Variants in DOCK2 observed in about 807,000 individuals in gnomAD.
The protein encoded by DOCK2 is dedicator of cytokinesis 2, also known as dedicator of cytokinesis protein 2.
DOCK2 carries 87 observed loss-of-function variants against 248.9 expected under a neutral mutation model. The observed-to-expected ratio is 0.35, with a 90% CI of 0.29 to 0.42. The LOEUF is 0.42. Ranked by LOEUF, DOCK2 falls within the 10% of genes least tolerant of loss-of-function variation. The pLI is 1.00. For synonymous variants in DOCK2, 805 were observed against 821.6 expected, an observed-to-expected ratio of 0.98 and a Z score of 0.35; for missense variants, 1,747 against 2,300.2, an observed-to-expected ratio of 0.76 and a Z score of 4.92.
At chr5:169,655,638 C>T (rs536595991) in intron 2 of DOCK2, among the ~76,000 whole-genome samples, 15 of 152,312 alleles carry the variant, frequency 9.8e-5, no homozygotes, top group African/African-American at 3.6e-4. Context: ...AACAGAGCCC[C>T]TAGCTGGGTC....
intron 26 of DOCK2, among the ~76,000 whole-genome samples, chr5:169,814,731 A>G (rs1204849702): frequency 1.3e-5 from 2 of 152,158 alleles, no homozygotes; most frequent in African/African-American, 4.8e-5. Context: ...AGGGATGATT[A>G]CTCACTTATG....
intron 9 of DOCK2, 119 bp downstream of exon 9, chr5:169,689,452 G>A (rs1760170667): frequency 9.9e-7 from 1 of 1,010,862 alleles, no homozygotes; most frequent in Admixed American, 2.3e-5. Context: ...TGTGTTGTGG[G>A]CTCCAAGCAG....
In DOCK2 at chr5:169,838,136, G is replaced by A. The variant is rs542742202; in HGVS notation, c.2704-2621G>A. On this transcript the variant is annotated intron_variant, in intron 26 of 51. Coordinates refer to ENST00000520908, the MANE Select transcript of DOCK2 (RefSeq NM_004946.3). ...AAAAGATCAAAAGTCACTGAAGGAGGTAGAAGTTGGTCCAATTGAAGGCAG... is the reference window on the plus strand; with the variant it reads ...AAAAGATCAAAAGTCACTGAAGGAGATAGAAGTTGGTCCAATTGAAGGCAG... Among the ~76,000 whole-genome samples, 10 of 152,292 alleles carry A rather than the reference G, an allele frequency of 6.6e-5. No individual in the cohort carries two copies. The South Asian group carries it at 1.2e-3, about 19-fold the overall frequency.
chr5:169,714,036 CAAG>C lies in DOCK2; in HGVS notation c.1673_1675del (p.Lys558del), dbSNP rs1751747178. 1 of 1,596,356 alleles carries C rather than the reference CAAG, an allele frequency of 6.3e-7. No homozygotes were observed. Among genetic ancestry groups the C allele is most frequent in the South Asian group, 1.1e-5 (1 of 88,872 alleles). On this transcript the variant is annotated inframe_deletion, in exon 18 of 52. Coordinates refer to ENST00000520908, the MANE Select transcript of DOCK2 (RefSeq NM_004946.3). ...CCAAGTGTTGTTTCCAGGGGGACAG[CAAG>C]AAGATGGAGGATGCCAGCGCATACC...
intron 26 of DOCK2, among the ~76,000 whole-genome samples, chr5:169,812,327 T>A (rs1306278040): frequency 6.6e-6 from 1 of 152,196 alleles, no homozygotes; most frequent in Non-Finnish European, 1.5e-5. Context: ...TAATGATCTG[T>A]CACTGTCTCC....
At chr5:169,644,454 G>A (rs953545186) in intron 1 of DOCK2, among the ~76,000 whole-genome samples, 4 of 151,982 alleles carry the variant, frequency 2.6e-5, no homozygotes, top group African/African-American at 9.7e-5. Context: ...GAATGGATGT[G>A]GGTATGAGAA....
At chr5:169,773,231 A>G (rs967576981) in intron 25 of DOCK2, 5 of 152,216 alleles carry the variant, frequency 3.3e-5, no homozygotes, top group Non-Finnish European at 7.3e-5. Context: ...GCTGCAGAAC[A>G]AGTCCAAGAG....
rs575957877 is a variant in DOCK2, at chr5:169,892,926, GC to G, written c.2799+52075del. Among the ~76,000 whole-genome samples, 444 of 151,790 alleles carry G rather than the reference GC, an allele frequency of 2.9e-3. 5 individuals are homozygous for G. The highest frequency in any genetic ancestry group is 0.01 in the African/African-American group (419 of 41,370). ...CCCTTCTTCTCTTCTGTTTTCTCCA[GC>G]ATGGCTCCCCATTTCATTTCTCCCC... On this transcript the variant is annotated intron_variant, in intron 27 of 51. Transcript: ENST00000520908.
intron 27 of DOCK2, among the ~76,000 whole-genome samples, chr5:169,951,366 A>G (rs1776656988): frequency 6.6e-6 from 1 of 152,178 alleles, no homozygotes; most frequent in African/African-American, 2.4e-5. Context: ...AATGCTTCCA[A>G]ATAACACAAC....
At chr5:169,864,818 C>G (rs1771440789) in intron 27 of DOCK2, among the ~76,000 whole-genome samples, 1 of 152,088 alleles carries the variant, frequency 6.6e-6, no homozygotes, top group African/African-American at 2.4e-5. Context: ...TGAGATAATG[C>G]AGAGGAACAG....
At chr5:169,945,033 G>A (rs1776389626) in intron 27 of DOCK2, among the ~76,000 whole-genome samples, 1 of 152,198 alleles carries the variant, frequency 6.6e-6, no homozygotes, top group African/African-American at 2.4e-5. Flanking sequence ...AACTTCAGAG[G>A]TGTCTTCTTA....
intron 25 of DOCK2, among the ~76,000 whole-genome samples, chr5:169,787,134 A>T (rs1403008099): frequency 1.3e-5 from 2 of 152,234 alleles, no homozygotes; most frequent in African/African-American, 4.8e-5. Context: ...GATCACACAG[A>T]CAATAACCGA....
chr5:169,856,767 A>G (rs1487343746), intron 27 of DOCK2, among the ~76,000 whole-genome samples: 2 of 152,200 alleles, frequency 1.3e-5, no homozygotes, highest in Non-Finnish European at 1.5e-5. Context: ...TCAGCAGTTA[A>G]CATGACTCAG....
chr5:170,046,716 C>G (rs1251285968), intron 39 of DOCK2, among the ~76,000 whole-genome samples: 1 of 152,048 alleles, frequency 6.6e-6, no homozygotes, highest in African/African-American at 2.4e-5. Context: ...ACCTGCCCCG[C>G]GTGTACCTCC....
intron 14 of DOCK2, among the ~76,000 whole-genome samples, chr5:169,702,907 C>T (rs923751933): frequency 6.6e-6 from 1 of 152,090 alleles, no homozygotes; most frequent in Admixed American, 6.6e-5. Flanking sequence ...CAGCGCTCAG[C>T]CAGAAATGCT....
At chr5:169,929,060 T>G (rs1303807786) in intron 27 of DOCK2, among the ~76,000 whole-genome samples, 1 of 152,222 alleles carries the variant, frequency 6.6e-6, no homozygotes, top group Admixed American at 6.5e-5. Context: ...GAGGTCAACC[T>G]GGGCCCACAG....
chr5:169,663,747 A>G (rs56372128), intron 2 of DOCK2, among the ~76,000 whole-genome samples: 30,254 of 152,194 alleles, frequency 0.2, 3,363 homozygotes, highest in South Asian at 0.31. Flanking sequence ...GAGGCTGCAC[A>G]GCAACAGGGC....
intron 27 of DOCK2, among the ~76,000 whole-genome samples, chr5:169,899,132 A>G (rs892366868): frequency 6.6e-6 from 1 of 152,220 alleles, no homozygotes. Flanking sequence ...GATATTAGAC[A>G]TGGTGCCAGG....
At chr5:169,653,006 G>T (rs1359767551) in intron 1 of DOCK2, among the ~76,000 whole-genome samples, 1 of 152,228 alleles carries the variant, frequency 6.6e-6, no homozygotes, top group Non-Finnish European at 1.5e-5. Flanking sequence ...GAGTAGGAAA[G>T]AGCATGGGCC....
Sources: allele counts gnomAD v4.1 joint callset (sites outside exome capture counted in the v4.1 genomes callset), GRCh38; gene constraint gnomAD v4.1.1; transcripts MANE v1.5; gene names NCBI Gene and HGNC (gene_info 2026-07-23, HGNC 2026-07-21).